Variants in ANXA11 observed in about 807,000 individuals in gnomAD.
ANXA11 encodes annexin A11.
In ANXA11, 57 loss-of-function variants were observed where a neutral mutation model predicts 64.7. That is an observed-to-expected ratio of 0.88 (90% CI 0.71 to 1.10). ANXA11 has a LOEUF of 1.10. ANXA11 is among the 50% of genes least tolerant of loss of function. ANXA11 has a pLI of 0.00. For missense variants in ANXA11, 675 were observed against 670.7 expected, an observed-to-expected ratio of 1.01 and a Z score of -0.07; for synonymous variants, 260 against 265.2, an observed-to-expected ratio of 0.98 and a Z score of 0.19.
At chr10:80,187,957 T>A (rs1240218681) in intron 1 of ANXA11, among the ~76,000 whole-genome samples, 2 of 152,040 alleles carry the variant, frequency 1.3e-5, no homozygotes, top group African/African-American at 4.8e-5. Flanking sequence ...AAGACAACCC[T>A]TGCAGCAGCT....
At chr10:80,182,526 T>C (rs556421170) in intron 1 of ANXA11, among the ~76,000 whole-genome samples, 6 of 152,292 alleles carry the variant, frequency 3.9e-5, no homozygotes, top group Admixed American at 2.6e-4. Context: ...TGCTCAGATA[T>C]ATGTACATTT....
intron 12 of ANXA11, 111 bp downstream of exon 12, chr10:80,161,824 C>T (rs1374857021): frequency 1.9e-5 from 18 of 930,998 alleles, no homozygotes; most frequent in Admixed American, 3.9e-5. Flanking sequence ...TTTGAGGAGG[C>T]GAAAGCCCCA....
At chr10:80,163,962 TA>T in intron 9 of ANXA11, 90 bp downstream of exon 9, 3 of 1,120,024 alleles carry the variant, frequency 2.7e-6, no homozygotes, top group African/African-American at 1.6e-5. Context: ...CAGGAAGGAG[TA>T]AAAGGCCCTA....
chr10:80,172,992 T>A, intron 2 of ANXA11, 123 bp from the exon 3 acceptor site: 1 of 793,480 alleles, frequency 1.3e-6, no homozygotes, highest in South Asian at 1.6e-5. Flanking sequence ...AACTGCTGCA[T>A]CTGCCCTGCT....
intron 1 of ANXA11, among the ~76,000 whole-genome samples, chr10:80,191,273 C>A (rs1846763354): frequency 6.6e-6 from 1 of 151,900 alleles, no homozygotes; most frequent in Non-Finnish European, 1.5e-5. Context: ...CATGGTGGCA[C>A]GTGCCTGTAG....
At chr10:80,158,801 T>C (rs1364509913) in intron 13 of ANXA11, among the ~76,000 whole-genome samples, 1 of 152,010 alleles carries the variant, frequency 6.6e-6, no homozygotes, top group East Asian at 1.9e-4. Context: ...AGGATATGAG[T>C]CATACTCCTC....
chr10:80,200,556 T>C (rs1840375914), intron 1 of ANXA11, among the ~76,000 whole-genome samples: 1 of 152,170 alleles, frequency 6.6e-6, no homozygotes, highest in Non-Finnish European at 1.5e-5. Flanking sequence ...GAGCTGGACT[T>C]TAAAAAACTA....
chr10:80,202,571 A>C (rs1840478166), intron 1 of ANXA11, among the ~76,000 whole-genome samples: 8 of 152,120 alleles, frequency 5.3e-5, no homozygotes, highest in Admixed American at 3.9e-4. Flanking sequence ...TCTAGGTATC[A>C]CTCAAAATTC....
rs1264121610 is a variant in ANXA11 at position 80,154,419 on chromosome 10, CAG to C, written c.*1432_*1433del. ...GCCTGGCCAAATTTTTTAGTAGAGA[CAG>C]GGGTCTCGCTGTTGGCTAGGCTAGT... On this transcript the variant is annotated 3_prime_UTR_variant, in exon 16 of 16. Transcript: ENST00000422982. The C allele has an allele frequency of 1.3e-5, 2 of 152,150 alleles. No individual in the cohort carries two copies. The highest frequency in any genetic ancestry group is 2.9e-5 in the Non-Finnish European group (2 of 68,062). The allele number at this position is 152,150 out of a possible 1,614,324, so 9.4% of individuals were successfully genotyped here. A position where few individuals can be genotyped will look rare whatever the true frequency, so the allele number is the denominator to read the frequency against.
chr10:80,191,410 C>A (rs940073069), intron 1 of ANXA11, among the ~76,000 whole-genome samples: 1 of 151,746 alleles, frequency 6.6e-6, no homozygotes, highest in Non-Finnish European at 1.5e-5. Context: ...CAAACAACAA[C>A]AAAAAAAACT....
chr10:80,199,123 G>A (rs1296441824), intron 1 of ANXA11, among the ~76,000 whole-genome samples: 8 of 138,984 alleles, frequency 5.8e-5, no homozygotes, highest in Admixed American at 5.1e-4. Context: ...TTGAGACCAA[G>A]TCTTGATCTG....
rs1432899765 is a variant in ANXA11, at chr10:80,154,792, C to T, written c.*1061G>A. 2 of 152,270 alleles carry T rather than the reference C, an allele frequency of 1.3e-5. No homozygotes were observed. Among genetic ancestry groups the T allele is most frequent in the African/African-American group, 4.8e-5 (2 of 41,450 alleles). The allele number at this position is 152,270 out of a possible 1,614,324, so 9.4% of individuals were successfully genotyped here. On this transcript the variant is annotated 3_prime_UTR_variant, in exon 16 of 16. Transcript: ENST00000422982. ...GTTGTCCCCATCCTTCTCTCTGGCCCCCGCCGAGGGGCACCAGGAATTAGC... is the reference window on the plus strand; with the variant it reads ...GTTGTCCCCATCCTTCTCTCTGGCCTCCGCCGAGGGGCACCAGGAATTAGC...
At position 80,201,630 on chromosome 10, in the gene ANXA11, C is replaced by T. The variant is rs183694087; in HGVS notation, c.-58+3713G>A. Among the ~76,000 whole-genome samples, 32 of 152,314 alleles carry T rather than the reference C, an allele frequency of 2.1e-4. No homozygotes were observed. The East Asian group carries it at 3.9e-3, about 18-fold the overall frequency. Reference sequence around the variant, plus strand: ...GCGGTCTCTCCTTTTAAGCACACCACGCAGGGCGAGGCCAACAGTGGGTTC... The same window carrying T: ...GCGGTCTCTCCTTTTAAGCACACCATGCAGGGCGAGGCCAACAGTGGGTTC... On this transcript the variant is annotated intron_variant, in intron 1 of 15. Coordinates refer to ENST00000422982, the MANE Select transcript of ANXA11 (RefSeq NM_145868.2).
intron 3 of ANXA11, 89 bp downstream of exon 3, chr10:80,172,718 G>T: frequency 7.7e-7 from 1 of 1,304,548 alleles, no homozygotes; most frequent in Non-Finnish European, 1.1e-6. Context: ...GGGAGGAGGG[G>T]AGTGAGGAAA....
intron 1 of ANXA11, among the ~76,000 whole-genome samples, chr10:80,201,196 TC>T (rs1337744497): frequency 6.6e-6 from 1 of 152,010 alleles, no homozygotes; most frequent in East Asian, 1.9e-4. Context: ...CCACATCTCC[TC>T]CATATCACTC....
intron 11 of ANXA11, among the ~76,000 whole-genome samples, chr10:80,162,489 G>A (rs2132381648): frequency 6.6e-6 from 1 of 152,390 alleles, no homozygotes; most frequent in Middle Eastern, 3.4e-3. Flanking sequence ...ACTGGGCACA[G>A]AAGACCGAGC....
At chr10:80,164,261 C>T in intron 8 of ANXA11, 118 bp from the exon 9 acceptor site, 1 of 716,600 alleles carries the variant, frequency 1.4e-6, no homozygotes, top group Non-Finnish European at 2.4e-6. Flanking sequence ...GCCCCTGACA[C>T]AGAGACACAC....
intron 13 of ANXA11, 28 bp downstream of exon 13, chr10:80,159,072 A>T (rs755305159): frequency 5.7e-6 from 9 of 1,568,184 alleles, no homozygotes; most frequent in Non-Finnish European, 4.4e-6. Flanking sequence ...AGCCCCTGGC[A>T]GGTGGGCGGC....
intron 1 of ANXA11, among the ~76,000 whole-genome samples, chr10:80,196,180 T>C (rs1840154413): frequency 6.6e-6 from 1 of 152,374 alleles, no homozygotes; most frequent in Non-Finnish European, 1.5e-5. Context: ...TCCTATTGGA[T>C]AGGTATTATC....
Sources: allele counts gnomAD v4.1 joint callset (sites outside exome capture counted in the v4.1 genomes callset), GRCh38; gene constraint gnomAD v4.1.1; transcripts MANE v1.5; gene names NCBI Gene and HGNC (gene_info 2026-07-23, HGNC 2026-07-21).